Variants in GBP2 observed in about 807,000 individuals in gnomAD.
GBP2 encodes the protein guanylate-binding protein 2.
In GBP2, 54 loss-of-function variants were observed where a neutral mutation model predicts 60.8. The observed-to-expected ratio is 0.89, with a 90% CI of 0.71 to 1.11. The LOEUF is 1.11. Among genes scored for constraint, GBP2 ranks in the 50% most tolerant of loss-of-function variants. The pLI, the probability that GBP2 is intolerant of heterozygous loss-of-function variation, is 0.00. For missense variants in GBP2, 665 were observed against 703.3 expected (o/e 0.95, Z 0.62); for synonymous variants, 243 against 256.5 (o/e 0.95, Z 0.50).
In GBP2 at chr1:89,117,214, T is replaced by C. The variant is rs1211941747; in HGVS notation, c.646A>G (p.Ser216Gly). 26 of 1,613,696 alleles carry C rather than the reference T, an allele frequency of 1.6e-5. No individual in the cohort carries two copies. The highest frequency in any genetic ancestry group is 2.1e-5 in the Non-Finnish European group (25 of 1,179,612). Residue 216 changes from serine to glycine, a missense_variant, in exon 6 of 11, where the codon AGC (serine) becomes GGC (glycine). Physicochemically the swap from Ser to Gly is moderately conservative, Grantham distance 56. Transcript: ENST00000370466. ...LRKGTDKKSKSFNDPRLCIRK... is the reference protein window; with the variant it reads ...LRKGTDKKSKGFNDPRLCIRK... ...ATGCACAACCGAGGATCATTAAAGC[T>C]TTTACTTTTCTTATCAGTACCTACA...
intron 8 of GBP2, among the ~76,000 whole-genome samples, chr1:89,111,148 A>G (rs1454778090): frequency 6.6e-6 from 1 of 152,230 alleles, no homozygotes; most frequent in African/African-American, 2.4e-5. Flanking sequence ...TAGGTGGAAC[A>G]TACCCCAACA....
chr1:89,112,259 C>T (rs911818019), intron 8 of GBP2, among the ~76,000 whole-genome samples: 7 of 152,044 alleles, frequency 4.6e-5, no homozygotes, highest in African/African-American at 1.7e-4. Flanking sequence ...ATAAATGAGT[C>T]AATTCGATAA....
rs111744164 is a variant in GBP2 at position 89,121,980 on chromosome 1, T to C, written c.-14A>G. The C allele has an allele frequency of 6.3e-7, 1 of 1,596,130 alleles. No individual in the cohort carries two copies. The highest frequency in any genetic ancestry group is 1.3e-5 in the African/African-American group (1 of 74,286). On this transcript the variant is annotated 5_prime_UTR_variant, in exon 2 of 11. Transcript: ENST00000370466. ...CTCTGGAGCCATGTCCAGGGTGTTG[T>C]TCCCTTGTGTGCAAGGAAAAAGATG...
At chr1:89,120,897 G>T (rs1681382294) in intron 3 of GBP2, among the ~76,000 whole-genome samples, 1 of 151,976 alleles carries the variant, frequency 6.6e-6, no homozygotes, top group Non-Finnish European at 1.5e-5. Flanking sequence ...TAATATGAAA[G>T]AGAAATAACT....
At chr1:89,108,393 A>AT (rs1329904036) in intron 10 of GBP2, 102 bp from the exon 11 acceptor site, 1 of 675,644 alleles carries the variant, frequency 1.5e-6, no homozygotes, top group Non-Finnish European at 2.6e-6. Context: ...ATTTTTGACT[A>AT]TCACTCTCTT....
intron 1 of GBP2, among the ~76,000 whole-genome samples, chr1:89,122,505 G>A (rs1320945830): frequency 6.6e-6 from 1 of 152,040 alleles, no homozygotes; most frequent in Non-Finnish European, 1.5e-5. Flanking sequence ...CCCTCAATTT[G>A]GGTTTTTTGA....
intron 6 of GBP2, among the ~76,000 whole-genome samples, chr1:89,115,751 C>G (rs939519517): frequency 2.0e-5 from 3 of 152,164 alleles, no homozygotes; most frequent in Admixed American, 2.0e-4. Context: ...TGGGCAAGCA[C>G]CACTGCACTT....
rs1334544251 is a variant in GBP2 at position 89,126,038 on chromosome 1, T to C, written c.-193A>G. 1 of 152,140 alleles carries C rather than the reference T, an allele frequency of 6.6e-6. No homozygotes were observed. The highest frequency in any genetic ancestry group is 1.5e-5 in the Non-Finnish European group (1 of 68,028). The allele number at this position is 152,140 out of a possible 1,614,324, so 9.4% of individuals were successfully genotyped here. A position where few individuals can be genotyped will look rare whatever the true frequency, so the allele number is the denominator to read the frequency against. Reference sequence around the variant, plus strand: ...CAACGTCCTGGGGCTTCCTCCAACGTCCAGGCTCTGTCAATGTCAGAGACC... The same window carrying C: ...CAACGTCCTGGGGCTTCCTCCAACGCCCAGGCTCTGTCAATGTCAGAGACC... On this transcript the variant is annotated 5_prime_UTR_variant, in exon 1 of 11. Transcript: ENST00000370466.
intron 10 of GBP2, 100 bp from the exon 11 acceptor site, chr1:89,108,391 C>T: frequency 1.5e-6 from 1 of 675,966 alleles, no homozygotes; most frequent in Non-Finnish European, 2.6e-6. Flanking sequence ...GAATTTTTGA[C>T]TATCACTCTC....
chr1:89,124,986 G>T (rs1405163755), intron 1 of GBP2, among the ~76,000 whole-genome samples: 5 of 152,174 alleles, frequency 3.3e-5, no homozygotes, highest in African/African-American at 4.8e-5. Context: ...ATGGAGAGCA[G>T]TATATACACA....
At position 89,114,214 on chromosome 1, in the gene GBP2, C is replaced by T; in HGVS notation, c.951G>A (p.Leu317=). 1 of 1,614,228 alleles carries T rather than the reference C, an allele frequency of 6.2e-7. No homozygotes were observed. The highest frequency in any genetic ancestry group is 8.5e-7 in the Non-Finnish European group (1 of 1,180,040). ...LPCMENAVLA[L]AQIENSAAVE... is the part of the protein sequence containing the mutation. Reference sequence around the variant, plus strand: ...CTGCGGCTGAGTTCTCTATCTGGGCCAAGGCCAGGACTGCGTTCTCCATGC... The same window carrying T: ...CTGCGGCTGAGTTCTCTATCTGGGCTAAGGCCAGGACTGCGTTCTCCATGC... Residue 317 remains leucine (L), a synonymous_variant, in exon 7 of 11, where the codon TTG becomes TTA. Coordinates refer to ENST00000370466, the MANE Select transcript of GBP2 (RefSeq NM_004120.5).
chr1:89,109,535 G>T, intron 10 of GBP2, 142 bp downstream of exon 10: 2 of 634,662 alleles, frequency 3.2e-6, no homozygotes, highest in South Asian at 4.0e-5. Flanking sequence ...AGAGATGACT[G>T]GCATAAAAAT....
rs1681455130 is a variant in GBP2, at chr1:89,123,526, A to T, written c.-17-1543T>A. Reference sequence around the variant, plus strand: ...AGTTATTTGCTCAATTCTAGTACATATAATTTGTTTTAAAGTTACTAACTC... The same window carrying T: ...AGTTATTTGCTCAATTCTAGTACATTTAATTTGTTTTAAAGTTACTAACTC... On this transcript the variant is annotated intron_variant, in intron 1 of 10. Transcript: ENST00000370466. Among the ~76,000 whole-genome samples the T allele has an allele frequency of 2.0e-5, 3 of 152,192 alleles. No individual in the cohort carries two copies. In the South Asian group the frequency reaches 6.2e-4, roughly 31 times the overall value.
chr1:89,122,679 G>T (rs986207508), intron 1 of GBP2, among the ~76,000 whole-genome samples: 3 of 152,100 alleles, frequency 2.0e-5, no homozygotes, highest in African/African-American at 7.2e-5. Flanking sequence ...GGTGTTCTCT[G>T]CCAGGTTTCT....
At chr1:89,121,112 G>C (rs773800082) in intron 3 of GBP2, 31 bp downstream of exon 3, 5 of 1,589,374 alleles carry the variant, frequency 3.1e-6, no homozygotes, top group Non-Finnish European at 4.3e-6. Flanking sequence ...ATCTACCTAA[G>C]TGAAATTTTT....
chr1:89,109,586 GT>G, intron 10 of GBP2, 90 bp downstream of exon 10: 11 of 1,148,574 alleles, frequency 9.6e-6, no homozygotes, highest in South Asian at 8.1e-5. Context: ...GGGCTAGAAA[GT>G]TTTTTTGGGA....
Position 89,114,335 on chromosome 1 carries a change from T to C in GBP2, c.869-39A>G, listed in dbSNP as rs759154467. On this transcript the variant is annotated intron_variant, in intron 6 of 10. Transcript: ENST00000370466. ...TTTTTAAAAAAATGTGACTATCAGTTGGTGGGACAGAATATTTTGTGTGCT... is the reference window on the plus strand; with the variant it reads ...TTTTTAAAAAAATGTGACTATCAGTCGGTGGGACAGAATATTTTGTGTGCT... 10 of 1,602,810 alleles carry C rather than the reference T, an allele frequency of 6.2e-6. No homozygotes were observed. The Admixed American group carries it at 1.2e-4, about 19-fold the overall frequency.
intron 3 of GBP2, 78 bp from the exon 4 acceptor site, chr1:89,120,366 G>T: frequency 1.7e-6 from 2 of 1,149,018 alleles, no homozygotes; most frequent in Non-Finnish European, 2.6e-6. Context: ...AAGACTGACT[G>T]AACTCCAACT....
intron 1 of GBP2, among the ~76,000 whole-genome samples, chr1:89,122,758 T>G (rs552412641): frequency 6.6e-6 from 1 of 152,318 alleles, no homozygotes; most frequent in East Asian, 1.9e-4. Flanking sequence ...TTGAAGACTA[T>G]GCAAATAAAG....
Sources: allele counts gnomAD v4.1 joint callset (sites outside exome capture counted in the v4.1 genomes callset), GRCh38; gene constraint gnomAD v4.1.1; transcripts MANE v1.5; gene names NCBI Gene and HGNC (gene_info 2026-07-23, HGNC 2026-07-21).